CREB3L1: variants seen among roughly 807,000 people sequenced by gnomAD.
The protein encoded by CREB3L1 is cAMP responsive element binding protein 3 like 1, also known as cyclic AMP-responsive element-binding protein 3-like protein 1.
Under a neutral mutation model 54.5 loss-of-function variants are expected in CREB3L1, and 33 were observed. The observed-to-expected ratio is 0.61, with a 90% CI of 0.46 to 0.81. The LOEUF is 0.81. CREB3L1 is among the 30% of genes least tolerant of loss of function. The pLI is 0.00. For missense variants in CREB3L1, 656 were observed against 673.3 expected (o/e 0.97, Z 0.29); for synonymous variants, 284 against 286.4 (o/e 0.99, Z 0.08).
At chr11:46,309,787 A>T (rs1487597378) in intron 3 of CREB3L1, among the ~76,000 whole-genome samples, 1 of 152,180 alleles carries the variant, frequency 6.6e-6, no homozygotes, top group Non-Finnish European at 1.5e-5. Context: ...TTGGCCAGCA[A>T]TCCTTTCTCT....
chr11:46,305,903 A>G lies in CREB3L1; in HGVS notation c.332-1913A>G, dbSNP rs538371303. Among the ~76,000 whole-genome samples, 5 of 151,114 alleles carry G rather than the reference A, an allele frequency of 3.3e-5. No individual in the cohort carries two copies. The East Asian group carries it at 9.8e-4, about 30-fold the overall frequency. On this transcript the variant is annotated intron_variant, in intron 2 of 11. Transcript: ENST00000621158. ...CAGGCGCCCGCCACCATGCCCAGCTAATTTTTTGTATTTTTAGTAGAGACG... is the reference window on the plus strand; with the variant it reads ...CAGGCGCCCGCCACCATGCCCAGCTGATTTTTTGTATTTTTAGTAGAGACG...
intron 1 of CREB3L1, among the ~76,000 whole-genome samples, chr11:46,288,586 TC>T (rs1276252463): frequency 1.3e-5 from 2 of 152,150 alleles, no homozygotes; most frequent in African/African-American, 4.8e-5. Flanking sequence ...GAAGGCTCTT[TC>T]CTTTGGGTAA....
At chr11:46,317,312 G>A (rs754108397) in intron 9 of CREB3L1, 49 bp from the exon 10 acceptor site, 19 of 1,609,044 alleles carry the variant, frequency 1.2e-5, no homozygotes, top group African/African-American at 9.4e-5. Context: ...GGTCAGGGCC[G>A]TGGCCCCTCC....
chr11:46,302,441 G>T (rs115769032), intron 2 of CREB3L1, among the ~76,000 whole-genome samples: 97 of 152,128 alleles, frequency 6.4e-4, no homozygotes, highest in African/African-American at 2.2e-3. Flanking sequence ...CTTAGAAATG[G>T]TCCCTTCGGG....
chr11:46,312,920 G>A lies in CREB3L1; in HGVS notation c.1031+1G>A. On this transcript the variant is annotated splice_donor_variant, in intron 8 of 11. Transcript: ENST00000621158. LOFTEE classifies it high-confidence loss of function. ...TGGAGACCCTGGAGAATGCCAACAG[G>A]TGGGTAGTGCCTCCTGCATCCAACC... 1 of 1,579,604 alleles carries A rather than the reference G, an allele frequency of 6.3e-7. No individual in the cohort carries two copies. Among genetic ancestry groups the A allele is most frequent in the Non-Finnish European group, 8.6e-7 (1 of 1,163,066 alleles).
chr11:46,320,168 G>A (rs1045842341), intron 10 of CREB3L1, 96 bp from the exon 11 acceptor site: 4 of 1,368,176 alleles, frequency 2.9e-6, no homozygotes, highest in Non-Finnish European at 3.9e-6. Flanking sequence ...CTGGGACTCA[G>A]ATCCAGGGCC....
rs1448139182 is a variant in CREB3L1, at chr11:46,312,680, T to A, written c.962+10T>A. On this transcript the variant is annotated intron_variant, in intron 7 of 11. Transcript: ENST00000621158. ...AGTGTCTAGAAAAGAAGTAAGGGGC[T>A]TGGGAGGGGTGGGCAATCCACTCCC... 2 of 1,604,614 alleles carry A rather than the reference T, an allele frequency of 1.2e-6. No homozygotes were observed. The highest frequency in any genetic ancestry group is 1.7e-6 in the Non-Finnish European group (2 of 1,175,504).
At chr11:46,288,509 C>T (rs77255071) in intron 1 of CREB3L1, among the ~76,000 whole-genome samples, 5,820 of 152,322 alleles carry the variant, frequency 0.038, 370 homozygotes, top group African/African-American at 0.13. Context: ...GAATATCCCA[C>T]CTTGTCCAGC....
At chr11:46,282,982 G>C (rs929258050) in intron 1 of CREB3L1, among the ~76,000 whole-genome samples, 1 of 152,092 alleles carries the variant, frequency 6.6e-6, no homozygotes, top group Non-Finnish European at 1.5e-5. Flanking sequence ...GAGCCCAGGA[G>C]TTCAAGACCA....
chr11:46,293,019 A>G (rs542504643), intron 1 of CREB3L1, among the ~76,000 whole-genome samples: 10 of 152,322 alleles, frequency 6.6e-5, no homozygotes, highest in African/African-American at 2.4e-4. Flanking sequence ...TTGGTCAGAA[A>G]GCCTTTTGAG....
chr11:46,292,093 A>G (rs55652831), intron 1 of CREB3L1, among the ~76,000 whole-genome samples: 23,435 of 152,066 alleles, frequency 0.15, 2,228 homozygotes, highest in Middle Eastern at 0.28. Context: ...GTCTGGGGGG[A>G]CAGCAATTCC....
chr11:46,283,427 T>C (rs1939008730), intron 1 of CREB3L1, among the ~76,000 whole-genome samples: 1 of 152,176 alleles, frequency 6.6e-6, no homozygotes, highest in Non-Finnish European at 1.5e-5. Flanking sequence ...GAATGGAGTT[T>C]TGCTCACTTT....
chr11:46,311,133 C>T lies in CREB3L1; in HGVS notation c.697C>T (p.Pro233Ser). Residue 233 changes from proline (P) to serine (S), a missense_variant, in exon 5 of 12, where the codon CCC becomes TCC. This residue lies in a region of CREB3L1 where 339 missense variants were observed against 331.5 expected (regional missense o/e 1.02). Coordinates refer to ENST00000621158, the MANE Select transcript of CREB3L1 (RefSeq NM_052854.4). ...TCTGCCCCCCTCCAGCCCTGTCAGG[C>T]CCATGGCGCGCTCCTCCACGGCCAT... Reference protein sequence around the residue: ...RSLPPSSPVRPMARSSTAIST... With the variant: ...RSLPPSSPVRSMARSSTAIST... The T allele has an allele frequency of 6.2e-7, 1 of 1,605,672 alleles. No individual in the cohort carries two copies. The highest frequency in any genetic ancestry group is 8.5e-7 in the Non-Finnish European group (1 of 1,179,066).
chr11:46,308,927 G>T (rs1210237261), intron 3 of CREB3L1, among the ~76,000 whole-genome samples: 4 of 152,244 alleles, frequency 2.6e-5, no homozygotes, highest in African/African-American at 9.6e-5. Context: ...AGCAGCAGCA[G>T]CCAGGGAAGA....
chr11:46,282,112 C>A (rs11038850), intron 1 of CREB3L1, among the ~76,000 whole-genome samples: 1 of 152,030 alleles, frequency 6.6e-6, no homozygotes, highest in Admixed American at 6.5e-5. Context: ...GCCTAACAAC[C>A]GTTGATGAAT....
intron 1 of CREB3L1, among the ~76,000 whole-genome samples, chr11:46,286,981 C>G (rs543731100): frequency 4.6e-5 from 7 of 152,166 alleles, no homozygotes; most frequent in Non-Finnish European, 1.0e-4. Flanking sequence ...TTCCCAGGTG[C>G]GTACTCCCAG....
chr11:46,294,927 TCC>T (rs1939183287), intron 1 of CREB3L1, among the ~76,000 whole-genome samples: 1 of 151,914 alleles, frequency 6.6e-6, no homozygotes, highest in Non-Finnish European at 1.5e-5. Flanking sequence ...CTCCCATCTC[TCC>T]CTAGCTCTCA....
chr11:46,279,070 T>C (rs138890233), intron 1 of CREB3L1, among the ~76,000 whole-genome samples: 1 of 152,110 alleles, frequency 6.6e-6, no homozygotes, highest in African/African-American at 2.4e-5. Flanking sequence ...AATATTTGGG[T>C]TCAGAAGGGC....
chr11:46,280,919 G>A (rs530698652), intron 1 of CREB3L1, among the ~76,000 whole-genome samples: 2 of 152,146 alleles, frequency 1.3e-5, no homozygotes, highest in Non-Finnish European at 2.9e-5. Flanking sequence ...ATCCAGATAC[G>A]GGCCATAAAT....
Sources: allele counts gnomAD v4.1 joint callset (sites outside exome capture counted in the v4.1 genomes callset), GRCh38; gene constraint gnomAD v4.1.1; regional missense constraint gnomAD v4.1.1; transcripts MANE v1.5; gene names NCBI Gene and HGNC (gene_info 2026-07-23, HGNC 2026-07-21).